PRR16: variants seen among roughly 807,000 people sequenced by gnomAD.
PRR16 encodes protein Largen.
Under a neutral mutation model 18.2 loss-of-function variants are expected in PRR16, and 6 were observed. The ratio of observed to expected loss-of-function variants is 0.33; its 90% confidence interval spans 0.18 to 0.65. The LOEUF (loss-of-function observed/expected upper bound fraction) is 0.65, where lower values mean the gene tolerates loss of function less well. Ranked by LOEUF, PRR16 falls within the 30% of genes least tolerant of loss-of-function variation. PRR16 has a pLI of 0.74. For synonymous variants in PRR16, 151 were observed against 147.8 expected (o/e 1.02, Z -0.16); for missense variants, 412 against 376.6 (o/e 1.09, Z -0.78).
chr5:120,612,641 C>T (rs1754372528), intron 1 of PRR16, among the ~76,000 whole-genome samples: 1 of 152,112 alleles, frequency 6.6e-6, no homozygotes, highest in Non-Finnish European at 1.5e-5. Flanking sequence ...GCCTCCCCAG[C>T]CATGTAGAAC....
intron 1 of PRR16, among the ~76,000 whole-genome samples, chr5:120,657,566 A>T (rs768259050): frequency 1.3e-5 from 2 of 151,956 alleles, no homozygotes; most frequent in Non-Finnish European, 2.9e-5. Flanking sequence ...AGGATATCTT[A>T]GTCTAAATAC....
In PRR16 at chr5:120,652,663, G is replaced by A. The variant is rs969582571; in HGVS notation, c.160-33291G>A. 5.9e-5 allele frequency among the ~76,000 whole-genome samples: 9 copies of A among 151,882 alleles called. No individual in the cohort carries two copies. The South Asian group carries it at 1.9e-3, about 32-fold the overall frequency. On this transcript the variant is annotated intron_variant, in intron 1 of 1. Coordinates refer to ENST00000407149, the MANE Select transcript of PRR16 (RefSeq NM_001300783.2). Reference sequence around the variant, plus strand: ...ACTAATAATCCTCAAAACTGCTAAGGTCATGAAAAACAAGGAATATCTGAG... The same window carrying A: ...ACTAATAATCCTCAAAACTGCTAAGATCATGAAAAACAAGGAATATCTGAG...
intron 1 of PRR16, among the ~76,000 whole-genome samples, chr5:120,550,116 GAT>G (rs1327590653): frequency 6.6e-6 from 1 of 151,950 alleles, no homozygotes; most frequent in Non-Finnish European, 1.5e-5. Flanking sequence ...AGAAAAATGA[GAT>G]ATTGCACAGG....
At chr5:120,638,572 G>A (rs1755321614) in intron 1 of PRR16, among the ~76,000 whole-genome samples, 1 of 152,054 alleles carries the variant, frequency 6.6e-6, no homozygotes, top group Non-Finnish European at 1.5e-5. Context: ...AAAGTACTCT[G>A]AGGTAGCTCT....
Position 120,560,507 on chromosome 5 carries a change from T to C in PRR16, c.159+95862T>C, listed in dbSNP as rs539222094. Among the ~76,000 whole-genome samples, 16 of 152,190 alleles carry C rather than the reference T, an allele frequency of 1.1e-4. No individual in the cohort carries two copies. In the South Asian group the frequency reaches 1.2e-3, roughly 12 times the overall value. Reference sequence around the variant, plus strand: ...AGTCACACTTGGTCATGATAATTGATGTTTTTAATGTATTGTTGAATTTGG... The same window carrying C: ...AGTCACACTTGGTCATGATAATTGACGTTTTTAATGTATTGTTGAATTTGG... On this transcript the variant is annotated intron_variant, in intron 1 of 1. Coordinates refer to ENST00000407149, the MANE Select transcript of PRR16 (RefSeq NM_001300783.2).
intron 1 of PRR16, among the ~76,000 whole-genome samples, chr5:120,663,573 A>G (rs1301802419): frequency 1.3e-5 from 2 of 152,146 alleles, no homozygotes; most frequent in Non-Finnish European, 2.9e-5. Flanking sequence ...TAGAGATTTC[A>G]TTCTTCATCA....
chr5:120,720,323 C>T, the PRR16 span, among the ~76,000 whole-genome samples: 1 of 151,724 alleles, frequency 6.6e-6, no homozygotes, highest in African/African-American at 2.4e-5. Flanking sequence ...GCCATTTTTC[C>T]ACCAAAATTA....
intron 1 of PRR16, among the ~76,000 whole-genome samples, chr5:120,578,599 AG>A: frequency 6.6e-6 from 1 of 152,332 alleles, no homozygotes; most frequent in Non-Finnish European, 1.5e-5. Flanking sequence ...ATGGCTACAT[AG>A]TATTCCATGA....
intron 1 of PRR16, among the ~76,000 whole-genome samples, chr5:120,653,220 G>A (rs1261041025): frequency 6.6e-6 from 1 of 151,668 alleles, no homozygotes; most frequent in Admixed American, 6.6e-5. Context: ...TTGGTCCCAT[G>A]GATGTTCACC....
At chr5:120,634,322 T>C (rs1192314521) in intron 1 of PRR16, among the ~76,000 whole-genome samples, 1 of 151,978 alleles carries the variant, frequency 6.6e-6, no homozygotes, top group Non-Finnish European at 1.5e-5. Context: ...AAGAAGAAAA[T>C]GTATAGCATT....
chr5:120,517,117 C>T (rs1369038076), intron 1 of PRR16, among the ~76,000 whole-genome samples: 1 of 152,174 alleles, frequency 6.6e-6, no homozygotes. Context: ...TTTTATCCCG[C>T]TGTGCAGGAA....
chr5:120,721,308 T>C, the PRR16 span, among the ~76,000 whole-genome samples: 2,752 of 152,042 alleles, frequency 0.018, 100 homozygotes, highest in African/African-American at 0.061. Flanking sequence ...AATAATTACA[T>C]TATGGGGCAT....
intron 1 of PRR16, among the ~76,000 whole-genome samples, chr5:120,668,095 C>A (rs1161164794): frequency 6.6e-6 from 1 of 152,020 alleles, no homozygotes; most frequent in Non-Finnish European, 1.5e-5. Flanking sequence ...GTCTAAGTCT[C>A]TTTGTAGGTC....
At chr5:120,499,669 C>G (rs1750381843) in intron 1 of PRR16, among the ~76,000 whole-genome samples, 1 of 151,734 alleles carries the variant, frequency 6.6e-6, no homozygotes, top group Non-Finnish European at 1.5e-5. Context: ...TATTTTGTTT[C>G]AACATGTTTA....
the PRR16 span, among the ~76,000 whole-genome samples, chr5:120,735,056 CT>C: frequency 6.6e-6 from 1 of 152,168 alleles, no homozygotes; most frequent in Non-Finnish European, 1.5e-5. Context: ...CACCATGCTA[CT>C]TTCTGTTTCT....
chr5:120,775,020 CACATACT>C, the PRR16 span, among the ~76,000 whole-genome samples: 3 of 152,126 alleles, frequency 2.0e-5, no homozygotes, highest in Admixed American at 6.5e-5. Flanking sequence ...TGTTTTTCCG[CACATACT>C]CTAACCTTAC....
intron 1 of PRR16, among the ~76,000 whole-genome samples, chr5:120,506,371 A>G (rs1031096971): frequency 2.4e-4 from 36 of 152,144 alleles, no homozygotes; most frequent in African/African-American, 8.2e-4. Context: ...ACCTATTTCT[A>G]AAGATAAATA....
the PRR16 span, among the ~76,000 whole-genome samples, chr5:120,736,285 T>C: frequency 7.4e-4 from 113 of 152,238 alleles, no homozygotes; most frequent in African/African-American, 2.5e-3. Flanking sequence ...TTTAATTTTT[T>C]TATACGAAAA....
chr5:120,679,108 A>G (rs1756896540), intron 1 of PRR16, among the ~76,000 whole-genome samples: 1 of 152,134 alleles, frequency 6.6e-6, no homozygotes, highest in Admixed American at 6.5e-5. Flanking sequence ...ACATGGTTTA[A>G]AAAACCTCCT....
Sources: gnomAD v4.1 joint callset for allele counts (sites outside exome capture counted in the v4.1 genomes callset) on GRCh38, gnomAD v4.1.1 for gene constraint, MANE v1.5 for transcripts, NCBI Gene and HGNC (gene_info 2026-07-23, HGNC 2026-07-21) for gene names.